The following SLC35F3 variants were observed in gnomAD, a reference collection of about 807,000 sequenced individuals.
SLC35F3 encodes the protein solute carrier family 35 member F3, also known as putative thiamine transporter SLC35F3.
A neutral mutation model predicts 49.9 loss-of-function variants in SLC35F3; 25 were observed. The ratio of observed to expected loss-of-function variants is 0.50; its 90% CI spans 0.37 to 0.70. The LOEUF (loss-of-function observed/expected upper bound fraction) is 0.70. Among genes scored for constraint, SLC35F3 ranks in the 30% least tolerant of loss-of-function variants. The pLI is 0.00. For missense variants in SLC35F3, 525 were observed against 639.8 expected (o/e 0.82, Z 1.94); for synonymous variants, 275 against 265.4 (o/e 1.04, Z -0.35).
At chr1:234,308,043 CG>C (rs1383038247) in intron 3 of SLC35F3, among the ~76,000 whole-genome samples, 2 of 152,164 alleles carry the variant, frequency 1.3e-5, no homozygotes, top group Non-Finnish European at 2.9e-5. Flanking sequence ...GACTCTAGAA[CG>C]GCATCAAAAG....
chr1:234,036,474 A>C (rs897062850), intron 2 of SLC35F3, among the ~76,000 whole-genome samples: 1 of 152,226 alleles, frequency 6.6e-6, no homozygotes, highest in African/African-American at 2.4e-5. Context: ...CATGGAGAGA[A>C]GTGGCCTGAC....
chr1:234,321,156 C>A (rs1657611741), intron 7 of SLC35F3, among the ~76,000 whole-genome samples: 1 of 152,072 alleles, frequency 6.6e-6, no homozygotes, highest in Non-Finnish European at 1.5e-5. Context: ...CCACCGCTCC[C>A]ATTCCAAAGG....
chr1:233,947,837 A>C (rs1662537476), intron 2 of SLC35F3, among the ~76,000 whole-genome samples: 1 of 148,016 alleles, frequency 6.8e-6, no homozygotes, highest in Non-Finnish European at 1.5e-5. Flanking sequence ...CTGAGAGCCA[A>C]AAAAAGAGAA....
intron 4 of SLC35F3, among the ~76,000 whole-genome samples, chr1:234,315,298 A>C (rs1657461442): frequency 6.6e-6 from 1 of 152,272 alleles, no homozygotes; most frequent in African/African-American, 2.4e-5. Flanking sequence ...GACATACTGC[A>C]TGAGATTAAG....
At chr1:234,089,605 G>A (rs1312865694) in intron 2 of SLC35F3, among the ~76,000 whole-genome samples, 1 of 152,206 alleles carries the variant, frequency 6.6e-6, no homozygotes, top group East Asian at 1.9e-4. Context: ...AAGCACATGA[G>A]CAGGGAGGGA....
intron 2 of SLC35F3, among the ~76,000 whole-genome samples, chr1:234,215,243 G>A (rs986411659): frequency 6.6e-6 from 1 of 152,186 alleles, no homozygotes; most frequent in Non-Finnish European, 1.5e-5. Flanking sequence ...CCTCCTCCCC[G>A]TGTTGTCCTT....
intron 2 of SLC35F3, among the ~76,000 whole-genome samples, chr1:233,916,592 C>T (rs1357632950): frequency 6.6e-6 from 1 of 152,188 alleles, no homozygotes; most frequent in Non-Finnish European, 1.5e-5. Flanking sequence ...TTCAAAGTTA[C>T]GTGTAAATAA....
chr1:233,977,467 C>A (rs1406439728), intron 2 of SLC35F3, among the ~76,000 whole-genome samples: 1 of 152,178 alleles, frequency 6.6e-6, no homozygotes, highest in East Asian at 1.9e-4. Context: ...GTACCTGGTT[C>A]TGGTATCATC....
At chr1:233,972,931 C>G (rs1663018961) in intron 2 of SLC35F3, among the ~76,000 whole-genome samples, 1 of 152,254 alleles carries the variant, frequency 6.6e-6, no homozygotes, top group South Asian at 2.1e-4. Context: ...CCAGGGCCAC[C>G]TGAGCCCACT....
chr1:234,164,380 C>A (rs1666280831), intron 2 of SLC35F3, among the ~76,000 whole-genome samples: 1 of 148,406 alleles, frequency 6.7e-6, no homozygotes, highest in African/African-American at 2.5e-5. Context: ...CTCTCCTCAA[C>A]TTCTTTCCCC....
rs867745944 is a variant in SLC35F3, at chr1:234,027,443, G to A, written c.283+121685G>A. Among the ~76,000 whole-genome samples the A allele has an allele frequency of 6.6e-6, 1 of 152,194 alleles. No homozygotes were observed. The highest frequency in any genetic ancestry group is 2.4e-5 in the African/African-American group (1 of 41,450). The stretch of plus-strand genomic sequence containing the variant: ...GAAAACTGCCTGGAGATTAAGTTTC[G>A]ACTTGAGTTTTGGAGGGGACACACA... On this transcript the variant is annotated intron_variant, in intron 2 of 7. Coordinates refer to ENST00000366618, the MANE Select transcript of SLC35F3 (RefSeq NM_173508.4). The surrounding 1 kb of genome is among the most constrained non-coding windows in gnomAD (Gnocchi z 4.1).
At chr1:234,213,392 G>A (rs1459898307) in intron 2 of SLC35F3, 1 of 152,256 alleles carries the variant, frequency 6.6e-6, no homozygotes, top group Non-Finnish European at 1.5e-5. Flanking sequence ...ATCTGTAAAG[G>A]AGATGAACAC....
chr1:234,302,853 T>C (rs538895061), intron 3 of SLC35F3, among the ~76,000 whole-genome samples: 1 of 152,298 alleles, frequency 6.6e-6, no homozygotes, highest in Admixed American at 6.5e-5. Flanking sequence ...TACCTCTCTC[T>C]TATGTGTTTT....
intron 2 of SLC35F3, among the ~76,000 whole-genome samples, chr1:234,177,966 T>C (rs1436127828): frequency 6.6e-6 from 1 of 152,212 alleles, no homozygotes; most frequent in Non-Finnish European, 1.5e-5. Context: ...GAACATCAGC[T>C]CATCATTGCT....
rs1182384541 is a variant in SLC35F3 at position 234,081,084 on chromosome 1, C to G, written c.284-150333C>G. On this transcript the variant is annotated intron_variant, in intron 2 of 7. Transcript: ENST00000366618. ...CTTCTCATTCCTACTGCCATATATTCAATAATAGCCTCCCACCTGGTCTTC... is the reference window on the plus strand; with the variant it reads ...CTTCTCATTCCTACTGCCATATATTGAATAATAGCCTCCCACCTGGTCTTC... Among the ~76,000 whole-genome samples, 10 of 152,318 alleles carry G rather than the reference C, an allele frequency of 6.6e-5. No homozygotes were observed. In the East Asian group the frequency reaches 1.9e-3, roughly 29 times the overall value.
At chr1:233,960,840 G>T (rs1662787805) in intron 2 of SLC35F3, among the ~76,000 whole-genome samples, 1 of 151,984 alleles carries the variant, frequency 6.6e-6, no homozygotes, top group African/African-American at 2.4e-5. Flanking sequence ...CCTTGACCTT[G>T]CATAACTCAT....
intron 2 of SLC35F3, among the ~76,000 whole-genome samples, chr1:234,217,265 A>C (rs922475249): frequency 1.3e-5 from 2 of 152,232 alleles, no homozygotes; most frequent in African/African-American, 4.8e-5. Flanking sequence ...GGTTAAACTC[A>C]AACACAGGAA....
chr1:234,121,064 T>C (rs982277060), intron 2 of SLC35F3, among the ~76,000 whole-genome samples: 1 of 151,682 alleles, frequency 6.6e-6, no homozygotes, highest in African/African-American at 2.4e-5. Flanking sequence ...TAGAAAAAAA[T>C]AGCCCATGAT....
intron 2 of SLC35F3, among the ~76,000 whole-genome samples, chr1:234,010,647 GT>G (rs1291978302): frequency 6.6e-6 from 1 of 152,100 alleles, no homozygotes; most frequent in South Asian, 2.1e-4. Flanking sequence ...GTTGAAAGGT[GT>G]TAGAGTCCCC....
Sources: allele counts gnomAD v4.1 joint callset (sites outside exome capture counted in the v4.1 genomes callset), GRCh38; gene constraint gnomAD v4.1.1; non-coding constraint Gnocchi (gnomAD v3.1); transcripts MANE v1.5; gene names NCBI Gene and HGNC (gene_info 2026-07-23, HGNC 2026-07-21).